Variants in PRELID2 observed in about 807,000 individuals in gnomAD.
PRELID2 encodes PRELI domain containing 2.
In PRELID2, 25 loss-of-function variants were observed where a neutral mutation model predicts 28.4. The observed-to-expected ratio is 0.88, with a 90% CI of 0.64 to 1.23. The LOEUF is 1.23. Among genes scored for constraint, PRELID2 ranks in the 50% most tolerant of loss-of-function variants. The pLI, the probability that PRELID2 is intolerant of heterozygous loss-of-function variation, is 0.00. For missense variants in PRELID2, 201 were observed against 214.4 expected (o/e 0.94, Z 0.39); for synonymous variants, 76 against 71.6 (o/e 1.06, Z -0.31).
At chr5:145,405,582 C>T in the PRELID2 span, among the ~76,000 whole-genome samples, 1 of 151,784 alleles carries the variant, frequency 6.6e-6, no homozygotes, top group African/African-American at 2.4e-5. Flanking sequence ...ACAACATCTG[C>T]TTAGCTTCTG....
At chr5:145,635,067 A>G (rs1753982156) in intron 1 of PRELID2, among the ~76,000 whole-genome samples, 1 of 152,168 alleles carries the variant, frequency 6.6e-6, no homozygotes, top group Non-Finnish European at 1.5e-5. Context: ...TGCTACTATC[A>G]AAACACTTCC....
intron 1 of PRELID2, among the ~76,000 whole-genome samples, chr5:145,708,949 A>G (rs1326510914): frequency 6.6e-6 from 1 of 152,198 alleles, no homozygotes; most frequent in Non-Finnish European, 1.5e-5. Flanking sequence ...AGCTGCCTCT[A>G]TATATGGCCA....
the PRELID2 span, chr5:145,440,794 G>A: frequency 1.3e-5 from 2 of 151,976 alleles, no homozygotes; most frequent in Admixed American, 6.6e-5. Context: ...TATCAATTAT[G>A]TTTTATTTAT....
At chr5:145,615,302 T>C (rs891376952) in intron 1 of PRELID2, among the ~76,000 whole-genome samples, 6 of 150,952 alleles carry the variant, frequency 4.0e-5, no homozygotes, top group Non-Finnish European at 4.4e-5. Flanking sequence ...TGAGTCCTTA[T>C]GTGTTATGTG....
chr5:145,353,181 G>C, the PRELID2 span, among the ~76,000 whole-genome samples: 1 of 152,072 alleles, frequency 6.6e-6, no homozygotes, highest in Non-Finnish European at 1.5e-5. Context: ...CCTGAGGATG[G>C]GCATGATGGC....
intron 1 of PRELID2, among the ~76,000 whole-genome samples, chr5:145,571,176 A>G (rs1017965780): frequency 6.6e-6 from 1 of 152,222 alleles, no homozygotes; most frequent in South Asian, 2.1e-4. Context: ...TCTACCACCT[A>G]TATCTGTATG....
At chr5:145,623,240 T>A (rs1030770802) in intron 1 of PRELID2, among the ~76,000 whole-genome samples, 2 of 151,210 alleles carry the variant, frequency 1.3e-5, no homozygotes, top group East Asian at 3.9e-4. Flanking sequence ...CATGAGGTCA[T>A]GAGATTGAGA....
At chr5:145,327,517 A>G in the PRELID2 span, among the ~76,000 whole-genome samples, 32 of 152,130 alleles carry the variant, frequency 2.1e-4, no homozygotes, top group Admixed American at 1.4e-3. Context: ...TAAAGCTACA[A>G]GAAGTATCTT....
chr5:145,547,061 G>C (rs970150520), intron 1 of PRELID2, among the ~76,000 whole-genome samples: 5 of 152,136 alleles, frequency 3.3e-5, no homozygotes, highest in African/African-American at 9.7e-5. Flanking sequence ...TCAATACTTG[G>C]TATTATATGT....
chr5:145,557,099 G>GTCCCCAA (rs1752886094), intron 1 of PRELID2, among the ~76,000 whole-genome samples: 1 of 152,096 alleles, frequency 6.6e-6, no homozygotes, highest in Admixed American at 6.6e-5. Flanking sequence ...TCACCAGTAT[G>GTCCCCAA]TCCCCAACAC....
At chr5:145,712,750 T>C (rs569977510) in intron 1 of PRELID2, among the ~76,000 whole-genome samples, 33 of 151,854 alleles carry the variant, frequency 2.2e-4, no homozygotes, top group African/African-American at 7.7e-4. Flanking sequence ...AGACAGTAAA[T>C]TTGAAAGAGC....
At chr5:145,314,093 G>A in the PRELID2 span, among the ~76,000 whole-genome samples, 2 of 152,112 alleles carry the variant, frequency 1.3e-5, no homozygotes, top group East Asian at 3.9e-4. Context: ...TTATAGTCAG[G>A]GAAACATTTG....
chr5:145,523,591 T>C (rs1037706122), intron 1 of PRELID2, among the ~76,000 whole-genome samples: 7 of 150,748 alleles, frequency 4.6e-5, no homozygotes. Context: ...CATCTCTCTG[T>C]GGCCCCTACT....
At chr5:145,646,811 A>G (rs1395888900) in intron 1 of PRELID2, among the ~76,000 whole-genome samples, 1 of 151,954 alleles carries the variant, frequency 6.6e-6, no homozygotes, top group Non-Finnish European at 1.5e-5. Flanking sequence ...CTGGAGGTCC[A>G]CTCCAGACCC....
At chr5:145,457,447 A>T in the PRELID2 span, among the ~76,000 whole-genome samples, 1 of 152,172 alleles carries the variant, frequency 6.6e-6, no homozygotes, top group South Asian at 2.1e-4. Context: ...TCATTGCATT[A>T]TAATTCATTC....
At chr5:145,544,240 G>A (rs1431487648) in intron 1 of PRELID2, among the ~76,000 whole-genome samples, 1 of 151,960 alleles carries the variant, frequency 6.6e-6, no homozygotes, top group African/African-American at 2.4e-5. Flanking sequence ...CTCACTCTCT[G>A]CCTATGGGAG....
chr5:145,528,467 C>T (rs976758351), intron 1 of PRELID2, among the ~76,000 whole-genome samples: 1 of 152,160 alleles, frequency 6.6e-6, no homozygotes, highest in East Asian at 1.9e-4. Flanking sequence ...GAGCAGGTTT[C>T]TTTTCCTATC....
chr5:145,763,670 T>G (rs1463171809), intron 6 of PRELID2, among the ~76,000 whole-genome samples: 1 of 152,230 alleles, frequency 6.6e-6, no homozygotes, highest in Non-Finnish European at 1.5e-5. Context: ...CCAGGTTGCT[T>G]ACACAAGACT....
downstream of PRELID2, among the ~76,000 whole-genome samples, chr5:145,469,679 T>C (rs2910271): frequency 6.6e-5 from 10 of 151,822 alleles, no homozygotes; most frequent in Non-Finnish European, 1.5e-4. Flanking sequence ...GGAATCTTGA[T>C]AGTTAACTTC....
Sources: allele counts gnomAD v4.1 joint callset (sites outside exome capture counted in the v4.1 genomes callset), GRCh38; gene constraint gnomAD v4.1.1; transcripts MANE v1.5; gene names NCBI Gene and HGNC (gene_info 2026-07-23, HGNC 2026-07-21).